Variants in EFCAB7 observed in about 807,000 individuals in gnomAD.
The protein encoded by EFCAB7 is EF-hand calcium binding domain 7.
In EFCAB7, 66 loss-of-function variants were observed where a neutral mutation model predicts 77.1. That is an observed-to-expected ratio of 0.86 (90% CI 0.70 to 1.05). The LOEUF (loss-of-function observed/expected upper bound fraction) is 1.05. Among genes scored for constraint, EFCAB7 ranks in the 50% least tolerant of loss-of-function variants. The pLI is 0.00. For missense variants in EFCAB7, 638 were observed against 730.5 expected (o/e 0.87, Z 1.46); for synonymous variants, 225 against 243.3 (o/e 0.92, Z 0.70).
chr1:63,576,851 T>TAAATA (rs71052492), downstream of EFCAB7, among the ~76,000 whole-genome samples: 1 of 149,908 alleles, frequency 6.7e-6, no homozygotes, highest in Non-Finnish European at 1.5e-5. Flanking sequence ...AATAAATAAA[T>TAAATA]AATAATAAGT....
At chr1:63,559,223 G>T (rs775668178) in intron 10 of EFCAB7, among the ~76,000 whole-genome samples, 33 of 140,706 alleles carry the variant, frequency 2.3e-4, no homozygotes, top group Admixed American at 4.7e-4. Context: ...AATCACTTGA[G>T]CTTGGGAGGT....
the EFCAB7 span, among the ~76,000 whole-genome samples, chr1:63,579,042 T>TAAA: frequency 1.3e-5 from 2 of 149,636 alleles, no homozygotes; most frequent in Non-Finnish European, 3.0e-5. Flanking sequence ...TTATTTCAGA[T>TAAA]AAAAAAAAAA....
chr1:63,562,449 T>TATATA (rs1647115778), intron 11 of EFCAB7, among the ~76,000 whole-genome samples: 16 of 22,458 alleles, frequency 7.1e-4, no homozygotes, highest in East Asian at 1.7e-3. Context: ...CTTAATTTAT[T>TATATA]TATATATATA....
chr1:63,575,293 T>C (rs1036379430), downstream of EFCAB7, among the ~76,000 whole-genome samples: 3 of 152,002 alleles, frequency 2.0e-5, no homozygotes, highest in Non-Finnish European at 4.4e-5. Flanking sequence ...ATATTAGATA[T>C]TGGGGTAGAC....
the EFCAB7 span, among the ~76,000 whole-genome samples, chr1:63,578,657 G>A: frequency 2.0e-5 from 3 of 152,210 alleles, no homozygotes; most frequent in East Asian, 3.9e-4. Flanking sequence ...TAGCCAGGAC[G>A]GTCTCGATTT....
chr1:63,582,999 T>C, the EFCAB7 span, among the ~76,000 whole-genome samples: 1 of 152,140 alleles, frequency 6.6e-6, no homozygotes, highest in African/African-American at 2.4e-5. Flanking sequence ...TTAAAAAGTG[T>C]CAAGATAACA....
chr1:63,536,327 T>G (rs1468167272), intron 6 of EFCAB7, among the ~76,000 whole-genome samples: 2 of 152,150 alleles, frequency 1.3e-5, no homozygotes, highest in African/African-American at 4.8e-5. Flanking sequence ...AGTAAGTGAC[T>G]CTTTTGTTAT....
chr1:63,559,378 A>G (rs1218128228), intron 10 of EFCAB7, among the ~76,000 whole-genome samples: 1 of 151,800 alleles, frequency 6.6e-6, no homozygotes, highest in Non-Finnish European at 1.5e-5. Context: ...TATTATTAAC[A>G]TCTTGCATTT....
intron 6 of EFCAB7, among the ~76,000 whole-genome samples, chr1:63,539,002 T>C (rs937311669): frequency 6.6e-6 from 1 of 152,242 alleles, no homozygotes; most frequent in African/African-American, 2.4e-5. Context: ...GTATGTAGTT[T>C]GGCTGTCTTT....
chr1:63,584,455 G>A, the EFCAB7 span, among the ~76,000 whole-genome samples: 1 of 152,146 alleles, frequency 6.6e-6, no homozygotes, highest in African/African-American at 2.4e-5. Flanking sequence ...ATGAGGCTGA[G>A]GCCAGAGGAT....
At chr1:63,526,852 C>T (rs1409915967) in intron 2 of EFCAB7, among the ~76,000 whole-genome samples, 1 of 152,116 alleles carries the variant, frequency 6.6e-6, no homozygotes, top group East Asian at 1.9e-4. Flanking sequence ...GCAGCCTCTG[C>T]CTCCTGGGTT....
chr1:63,581,513 T>A, the EFCAB7 span, among the ~76,000 whole-genome samples: 1 of 152,172 alleles, frequency 6.6e-6, no homozygotes, highest in Non-Finnish European at 1.5e-5. Context: ...TTTTCTGATC[T>A]GAAACCTGAC....
chr1:63,571,316 G>T (rs773266360), intron 13 of EFCAB7, among the ~76,000 whole-genome samples, 188 bp downstream of exon 13: 5 of 152,116 alleles, frequency 3.3e-5, no homozygotes, highest in African/African-American at 4.8e-5. Context: ...GTCACTGTTT[G>T]GTTGAGTGAC....
At chr1:63,547,190 T>C (rs1326666826) in intron 7 of EFCAB7, 1 of 152,208 alleles carries the variant, frequency 6.6e-6, no homozygotes, top group Non-Finnish European at 1.5e-5. Context: ...AAGATAGCCC[T>C]GCAAATTCAG....
intron 2 of EFCAB7, among the ~76,000 whole-genome samples, chr1:63,526,739 A>G (rs1234442815): frequency 1.3e-5 from 2 of 152,224 alleles, no homozygotes; most frequent in Non-Finnish European, 2.9e-5. Flanking sequence ...TAATTCATAT[A>G]CATTAAATGT....
In EFCAB7 at chr1:63,559,523, T is replaced by C. The variant is rs554445559; in HGVS notation, c.1349-2186T>C. ...GTTAGCCTAGGACGGAGTGTAGTGG[T>C]GCAATCTCAACTCACTGCAACCCCT... On this transcript the variant is annotated intron_variant, in intron 10 of 13. Transcript: ENST00000371088. Among the ~76,000 whole-genome samples the C allele has an allele frequency of 2.6e-5, 4 of 152,220 alleles. No homozygotes were observed. The South Asian group carries it at 8.3e-4, about 32-fold the overall frequency.
intron 6 of EFCAB7, among the ~76,000 whole-genome samples, chr1:63,545,239 C>A (rs1209164886): frequency 6.6e-6 from 1 of 151,794 alleles, no homozygotes; most frequent in Non-Finnish European, 1.5e-5. Flanking sequence ...CTTACTTCTT[C>A]TTTACCTTAT....
At chr1:63,553,794 A>C (rs924912771) in intron 8 of EFCAB7, among the ~76,000 whole-genome samples, 1 of 152,178 alleles carries the variant, frequency 6.6e-6, no homozygotes, top group African/African-American at 2.4e-5. Flanking sequence ...TTCATATATG[A>C]GTCTCCAGAA....
chr1:63,542,345 A>G (rs944572504), intron 6 of EFCAB7, among the ~76,000 whole-genome samples: 1 of 151,930 alleles, frequency 6.6e-6, no homozygotes, highest in Non-Finnish European at 1.5e-5. Context: ...TTGTTTATCT[A>G]TTTTTCTGTC....
Sources: allele counts gnomAD v4.1 joint callset (sites outside exome capture counted in the v4.1 genomes callset), GRCh38; gene constraint gnomAD v4.1.1; transcripts MANE v1.5; gene names NCBI Gene and HGNC (gene_info 2026-07-23, HGNC 2026-07-21).